NELL2: variants seen among roughly 807,000 people sequenced by gnomAD.
NELL2 encodes the protein protein kinase C-binding protein NELL2.
In NELL2, 41 loss-of-function variants were observed where a neutral mutation model predicts 109.6. The ratio of observed to expected loss-of-function variants is 0.37; its 90% CI spans 0.29 to 0.49. The LOEUF (loss-of-function observed/expected upper bound fraction) is 0.49, where lower values mean the gene tolerates loss of function less well. NELL2 is among the 20% of genes least tolerant of loss of function. NELL2 has a pLI of 0.98. For missense variants in NELL2, 900 were observed against 1,008.3 expected, an observed-to-expected ratio of 0.89 and a Z score of 1.45; for synonymous variants, 355 against 344.7, an observed-to-expected ratio of 1.03 and a Z score of -0.33.
intron 2 of NELL2, among the ~76,000 whole-genome samples, chr12:44,819,150 T>C (rs1328806162): frequency 1.3e-5 from 2 of 152,174 alleles, no homozygotes; most frequent in Non-Finnish European, 2.9e-5. Context: ...GATTTGAATA[T>C]TAGTAAAAAT....
At chr12:44,559,229 A>G (rs1209909798) in intron 15 of NELL2, among the ~76,000 whole-genome samples, 3 of 152,214 alleles carry the variant, frequency 2.0e-5, no homozygotes, top group Non-Finnish European at 2.9e-5. Context: ...AAAACATACT[A>G]AATTGTAAAG....
intron 9 of NELL2, among the ~76,000 whole-genome samples, chr12:44,740,513 G>T (rs1401817893): frequency 6.6e-6 from 1 of 152,064 alleles, no homozygotes; most frequent in African/African-American, 2.4e-5. Context: ...GGAGCCAAAG[G>T]TATCCTAACC....
At chr12:44,694,785 T>C (rs561476380) in intron 12 of NELL2, among the ~76,000 whole-genome samples, 4 of 152,194 alleles carry the variant, frequency 2.6e-5, no homozygotes, top group South Asian at 4.2e-4. Context: ...CAGGGACTTG[T>C]GTGCTGGGTT....
chr12:44,677,440 C>T (rs964149348), intron 12 of NELL2, among the ~76,000 whole-genome samples: 2 of 152,082 alleles, frequency 1.3e-5, no homozygotes, highest in East Asian at 3.8e-4. Context: ...CTGAGACAAC[C>T]ACTGGTATCA....
At chr12:44,513,902 A>G (rs1412878568) in intron 19 of NELL2, among the ~76,000 whole-genome samples, 1 of 151,558 alleles carries the variant, frequency 6.6e-6, no homozygotes, top group Non-Finnish European at 1.5e-5. Flanking sequence ...GTGAAATGAC[A>G]TCAACTTAGA....
chr12:44,542,924 A>G (rs1478324498), intron 15 of NELL2, among the ~76,000 whole-genome samples: 3 of 152,154 alleles, frequency 2.0e-5, no homozygotes, highest in Non-Finnish European at 4.4e-5. Flanking sequence ...CAGAAGCTGG[A>G]AGATGCAAGG....
chr12:44,731,687 A>C, intron 9 of NELL2, among the ~76,000 whole-genome samples: 1 of 152,074 alleles, frequency 6.6e-6, no homozygotes, highest in East Asian at 1.9e-4. Flanking sequence ...TTAACTACAA[A>C]GCAAGTTTGT....
intron 2 of NELL2, among the ~76,000 whole-genome samples, chr12:44,855,402 T>C (rs10880699): frequency 0.021 from 3,171 of 152,322 alleles, 113 homozygotes; most frequent in East Asian, 0.18. Flanking sequence ...TGCTCTAGAA[T>C]AACACAAAAT....
rs368039851 is a variant in NELL2 at position 44,509,033 on chromosome 12, T to A, written c.2401-49A>T. On this transcript the variant is annotated intron_variant, in intron 19 of 19. Transcript: ENST00000429094. ...AAAAACAGTATGAATTTTTAAGCCA[T>A]TAGTAAATGATCACATTTATTGATT... 1.7e-5 allele frequency: 25 copies of A among 1,467,594 alleles called. No homozygotes were observed. The African/African-American group carries it at 2.6e-4, about 16-fold the overall frequency. 90.9% of individuals were successfully genotyped at this position (1,467,594 alleles called of 1,614,324 possible).
chr12:44,870,961 G>A (rs764000551), intron 2 of NELL2, among the ~76,000 whole-genome samples: 2 of 152,060 alleles, frequency 1.3e-5, no homozygotes, highest in Non-Finnish European at 2.9e-5. Flanking sequence ...TTTCAATTCT[G>A]CTCTATTAGT....
At chr12:44,827,411 G>GTTTTTT (rs35241789) in intron 2 of NELL2, among the ~76,000 whole-genome samples, 3 of 126,642 alleles carry the variant, frequency 2.4e-5, no homozygotes, top group Admixed American at 8.5e-5. Flanking sequence ...TCTTCTAACT[G>GTTTTTT]TTTTTTTTTT....
chr12:44,917,779 G>A (rs112331724), upstream of NELL2, among the ~76,000 whole-genome samples: 1,265 of 152,276 alleles, frequency 8.3e-3, 15 homozygotes, highest in African/African-American at 0.028. Flanking sequence ...TGTCCTGTGG[G>A]CTAGAGAAGT....
chr12:44,903,215 A>G (rs1243966343), intron 1 of NELL2, among the ~76,000 whole-genome samples: 2 of 152,198 alleles, frequency 1.3e-5, no homozygotes, highest in Non-Finnish European at 2.9e-5. Context: ...ACCCCCATCA[A>G]AAAGTGGGCA....
chr12:44,886,622 A>T (rs1251246675), intron 1 of NELL2, among the ~76,000 whole-genome samples: 2 of 152,012 alleles, frequency 1.3e-5, no homozygotes, highest in South Asian at 4.1e-4. Context: ...GTATTGGAAT[A>T]TCCATCATCT....
At chr12:44,742,364 A>G (rs2136501734) in intron 9 of NELL2, among the ~76,000 whole-genome samples, 1 of 152,334 alleles carries the variant, frequency 6.6e-6, no homozygotes, top group South Asian at 2.1e-4. Context: ...TGGGAAAAAA[A>G]CAAAGCAGAA....
intron 2 of NELL2, among the ~76,000 whole-genome samples, chr12:44,854,666 G>A (rs113428984): frequency 0.025 from 1,192 of 47,032 alleles, 17 homozygotes; most frequent in African/African-American, 0.055. Context: ...ATGGATGGAT[G>A]GATGGATGGA....
chr12:44,590,482 C>A (rs1278087508), intron 15 of NELL2, among the ~76,000 whole-genome samples: 2 of 152,144 alleles, frequency 1.3e-5, no homozygotes, highest in African/African-American at 4.8e-5. Context: ...ACGTTTTCAA[C>A]AGATTTTTTA....
intron 9 of NELL2, among the ~76,000 whole-genome samples, chr12:44,732,541 AC>A (rs1198935090): frequency 6.6e-6 from 1 of 151,984 alleles, no homozygotes; most frequent in Non-Finnish European, 1.5e-5. Flanking sequence ...TACACCATGC[AC>A]AAAAATCAAC....
chr12:44,746,517 C>G (rs147250332), intron 9 of NELL2, among the ~76,000 whole-genome samples: 3 of 152,110 alleles, frequency 2.0e-5, no homozygotes, highest in African/African-American at 7.2e-5. Flanking sequence ...AGGCAACCTA[C>G]AGAATGGGAG....
Sources: allele counts gnomAD v4.1 joint callset (sites outside exome capture counted in the v4.1 genomes callset), GRCh38; gene constraint gnomAD v4.1.1; transcripts MANE v1.5; gene names NCBI Gene and HGNC (gene_info 2026-07-23, HGNC 2026-07-21).